ABCC5: variants seen among roughly 807,000 people sequenced by gnomAD.
ABCC5 encodes ATP-binding cassette sub-family C member 5.
Under a neutral mutation model 160.9 loss-of-function variants are expected in ABCC5, and 61 were observed. The observed-to-expected ratio is 0.38, with a 90% CI of 0.31 to 0.47. The LOEUF is 0.47. Ranked by LOEUF, ABCC5 falls within the 20% of genes least tolerant of loss-of-function variation. The pLI is 0.99. For synonymous variants in ABCC5, 666 were observed against 700.6 expected, an observed-to-expected ratio of 0.95 and a Z score of 0.78; for missense variants, 1,308 against 1,813.3, an observed-to-expected ratio of 0.72 and a Z score of 5.06.
intron 24 of ABCC5, 138 bp from the exon 25 acceptor site, chr3:183,943,054 G>T: frequency 1.2e-6 from 1 of 806,614 alleles, no homozygotes; most frequent in Non-Finnish European, 1.9e-6. Flanking sequence ...TGCTAGGAAA[G>T]AATCCCTTGG....
chr3:183,983,207 G>T (rs1718900154), intron 5 of ABCC5, among the ~76,000 whole-genome samples, 200 bp from the exon 6 acceptor site: 1 of 152,228 alleles, frequency 6.6e-6, no homozygotes, highest in Non-Finnish European at 1.5e-5. Flanking sequence ...AGGTCTAATT[G>T]CAAACTTTCT....
chr3:183,965,616 T>C, intron 12 of ABCC5, 115 bp from the exon 13 acceptor site: 1 of 1,411,222 alleles, frequency 7.1e-7, no homozygotes, highest in African/African-American at 1.4e-5. Context: ...GGGATGCTTT[T>C]TGGACCCAAA....
intron 28 of ABCC5, 120 bp downstream of exon 28, chr3:183,927,210 G>T: frequency 1.1e-6 from 1 of 948,792 alleles, no homozygotes; most frequent in Non-Finnish European, 1.6e-6. Flanking sequence ...CTCTGGTCAT[G>T]CTCTTAGAAA....
At chr3:184,001,357 G>A in intron 2 of ABCC5, 1 of 432,264 alleles carries the variant, frequency 2.3e-6, no homozygotes, top group Non-Finnish European at 4.1e-6. Context: ...AAAATTATTA[G>A]GTATTTTACA....
intron 10 of ABCC5, among the ~76,000 whole-genome samples, chr3:183,973,576 A>T (rs1717958757): frequency 1.3e-5 from 2 of 152,014 alleles, no homozygotes; most frequent in Admixed American, 1.3e-4. Flanking sequence ...CTCCCCAAAA[A>T]CAAACCCTTT....
At chr3:183,939,387 C>G (rs540908471) in intron 25 of ABCC5, among the ~76,000 whole-genome samples, 67 of 152,238 alleles carry the variant, frequency 4.4e-4, no homozygotes, top group Non-Finnish European at 7.4e-4. Flanking sequence ...GAGCCAAGAT[C>G]GTATCATTGC....
At chr3:183,989,063 G>A (rs1719491348) in intron 3 of ABCC5, among the ~76,000 whole-genome samples, 163 bp downstream of exon 3, 1 of 149,914 alleles carries the variant, frequency 6.7e-6, no homozygotes, top group Non-Finnish European at 1.5e-5. Context: ...CAGCTACTCA[G>A]GAGGCTGAGA....
chr3:183,941,091 G>A (rs1560478532), intron 25 of ABCC5, among the ~76,000 whole-genome samples: 3 of 152,234 alleles, frequency 2.0e-5, no homozygotes, highest in South Asian at 4.1e-4. Flanking sequence ...AACTCCTGAC[G>A]TCAGGTGATC....
intron 17 of ABCC5, among the ~76,000 whole-genome samples, chr3:183,954,783 C>T (rs1015730672): frequency 6.6e-6 from 1 of 152,090 alleles, no homozygotes; most frequent in South Asian, 2.1e-4. Context: ...TGACCAGTGA[C>T]GCAGCCTCAG....
intron 2 of ABCC5, chr3:184,010,424 A>G (rs1721630949): frequency 1.3e-5 from 2 of 152,286 alleles, no homozygotes; most frequent in African/African-American, 4.8e-5. Flanking sequence ...AACCTGCTAC[A>G]GTGGTGGCTG....
At chr3:183,925,784 T>C in intron 28 of ABCC5, 65 bp from the exon 29 acceptor site, 1 of 1,507,300 alleles carries the variant, frequency 6.6e-7, no homozygotes, top group Non-Finnish European at 9.0e-7. Context: ...TTAATCTAGA[T>C]TTTACTAAAA....
At chr3:183,984,821 C>G (rs1719056880) in intron 5 of ABCC5, 10 of 1,584,592 alleles carry the variant, frequency 6.3e-6, no homozygotes, top group Non-Finnish European at 8.5e-6. Context: ...CGTGAAGCAA[C>G]TCAGTAAGAT....
At chr3:183,942,231 G>T (rs1438454320) in intron 25 of ABCC5, among the ~76,000 whole-genome samples, 1 of 151,950 alleles carries the variant, frequency 6.6e-6, no homozygotes, top group Non-Finnish European at 1.5e-5. Context: ...TAGAGACGGG[G>T]TTTCACCATG....
Position 183,928,807 on chromosome 3 carries a change from G to A in ABCC5, c.3873C>T (p.Phe1291=). The A allele has an allele frequency of 6.2e-7, 1 of 1,614,102 alleles. No individual in the cohort carries two copies. ...AAATCTGGTCTTCAGTGTACTGGTT[G>A]AAGGGGTCCAAATTTGATCTAGGGA... ...SGTVRSNLDP[F]NQYTEDQIWD... The change falls in exon 27 of 30, where the codon TTC becomes TTT. Residue 1291 remains phenylalanine, a synonymous_variant. Transcript: ENST00000334444.
intron 17 of ABCC5, 115 bp downstream of exon 17, chr3:183,959,618 A>T (rs556371840): frequency 2.5e-6 from 2 of 798,146 alleles, no homozygotes; most frequent in Admixed American, 2.8e-5. Context: ...GAAATGTAAG[A>T]CCAAGTATTT....
intron 18 of ABCC5, among the ~76,000 whole-genome samples, chr3:183,952,884 C>A (rs3817404): frequency 0.28 from 43,209 of 152,114 alleles, 6,325 homozygotes; most frequent in Middle Eastern, 0.35. Context: ...CTACTGCACG[C>A]CCTACTGCCC....
At chr3:183,937,294 T>C (rs1306556585) in intron 26 of ABCC5, among the ~76,000 whole-genome samples, 1 of 152,186 alleles carries the variant, frequency 6.6e-6, no homozygotes, top group East Asian at 1.9e-4. Context: ...GGAGAATCAC[T>C]TGAACCCAGG....
At position 183,988,181 on chromosome 3, in the gene ABCC5, A is replaced by C. The variant is rs1443314256; in HGVS notation, c.444-264T>G. 1.3e-5 allele frequency among the ~76,000 whole-genome samples: 2 copies of C among 152,204 alleles called. No individual in the cohort carries two copies. Among genetic ancestry groups the C allele is most frequent in the African/African-American group, 4.8e-5 (2 of 41,440 alleles). On this transcript the variant is annotated intron_variant, in intron 4 of 29. Transcript: ENST00000334444. This position sits in a 1 kb window ranked among gnomAD's most constrained non-coding sequence, Gnocchi z 4.4. Reference sequence around the variant, plus strand: ...TTCCACCCAGGAAAATGATCCCTGAATGCAATTTGTGAATAAGAACTTTCT... The same window carrying C: ...TTCCACCCAGGAAAATGATCCCTGACTGCAATTTGTGAATAAGAACTTTCT...
intron 12 of ABCC5, 108 bp downstream of exon 12, chr3:183,967,584 AGGG>A: frequency 1.1e-6 from 1 of 910,130 alleles, no homozygotes; most frequent in Non-Finnish European, 1.8e-6. Flanking sequence ...ATGCAGGCTG[AGGG>A]TTCATTTGTT....
Sources: gnomAD v4.1 joint callset for allele counts (sites outside exome capture counted in the v4.1 genomes callset) on GRCh38, gnomAD v4.1.1 for gene constraint, Gnocchi (gnomAD v3.1) non-coding constraint, MANE v1.5 for transcripts, NCBI Gene and HGNC (gene_info 2026-07-23, HGNC 2026-07-21) for gene names.